PLXNC1: variants seen among roughly 807,000 people sequenced by gnomAD.
PLXNC1 encodes plexin-C1.
Under a neutral mutation model 178.2 loss-of-function variants are expected in PLXNC1, and 75 were observed. That is an observed-to-expected ratio of 0.42 (90% CI 0.35 to 0.51). The LOEUF (loss-of-function observed/expected upper bound fraction) is 0.51, where lower values mean the gene tolerates loss of function less well. Among genes scored for constraint, PLXNC1 ranks in the 20% least tolerant of loss-of-function variants. The pLI, the probability that PLXNC1 is intolerant of heterozygous loss-of-function variation, is 0.02. For missense variants in PLXNC1, 1,503 were observed against 1,984.4 expected, an observed-to-expected ratio of 0.76 and a Z score of 4.61; for synonymous variants, 790 against 779.9, an observed-to-expected ratio of 1.01 and a Z score of -0.22.
chr12:94,301,278 A>G (rs1968435701), intron 28 of PLXNC1, among the ~76,000 whole-genome samples: 1 of 152,230 alleles, frequency 6.6e-6, no homozygotes, highest in Non-Finnish European at 1.5e-5. Context: ...ACCCAACTGC[A>G]GAATTCTGCC....
intron 23 of PLXNC1, among the ~76,000 whole-genome samples, chr12:94,286,606 T>A (rs1592938209): frequency 7.9e-6 from 1 of 126,838 alleles, no homozygotes; most frequent in Non-Finnish European, 1.6e-5. Context: ...TCACTGTATG[T>A]GCTTAAAAGC....
chr12:94,165,509 G>T lies in PLXNC1; in HGVS notation c.1063-3644G>T, dbSNP rs58852951. Among the ~76,000 whole-genome samples, 265 of 152,268 alleles carry T rather than the reference G, an allele frequency of 1.7e-3. 1 individual carries two copies. Among genetic ancestry groups the T allele is most frequent in the Admixed American group, 0.015 (230 of 15,288 alleles). On this transcript the variant is annotated intron_variant, in intron 1 of 30. Coordinates refer to ENST00000258526, the MANE Select transcript of PLXNC1 (RefSeq NM_005761.3). ...GCTGCAAAATCCTGACTGTGGCCAG[G>T]GTCCTCCAGGCTGGTGAGAGGAACA...
chr12:94,221,315 C>A (rs10859687), intron 6 of PLXNC1, among the ~76,000 whole-genome samples: 75,274 of 151,982 alleles, frequency 0.5, 19,316 homozygotes, highest in East Asian at 0.61. Flanking sequence ...TGAGTTCCAA[C>A]AGATCACTTG....
intron 1 of PLXNC1, among the ~76,000 whole-genome samples, chr12:94,163,261 G>C (rs1201576583): frequency 1.3e-5 from 2 of 152,092 alleles, no homozygotes; most frequent in Admixed American, 6.5e-5. Flanking sequence ...CGGAGGCTGA[G>C]GCAGGAGAAT....
chr12:94,203,853 G>A (rs1199510558), intron 4 of PLXNC1, among the ~76,000 whole-genome samples: 1 of 152,228 alleles, frequency 6.6e-6, no homozygotes, highest in Non-Finnish European at 1.5e-5. Context: ...CAACTCTGTT[G>A]AAAGGTGGGA....
intron 5 of PLXNC1, 40 bp from the exon 6 acceptor site, chr12:94,219,976 G>A: frequency 6.2e-7 from 1 of 1,600,508 alleles, no homozygotes; most frequent in Non-Finnish European, 8.5e-7. Context: ...TGGAAATGAG[G>A]CAAAAATCAT....
chr12:94,198,592 A>C (rs1963007652), intron 4 of PLXNC1, among the ~76,000 whole-genome samples: 1 of 152,190 alleles, frequency 6.6e-6, no homozygotes, highest in Non-Finnish European at 1.5e-5. Flanking sequence ...AATTACTACC[A>C]ACACAAATTT....
intron 5 of PLXNC1, among the ~76,000 whole-genome samples, chr12:94,213,941 A>G (rs374096370): frequency 4.7e-5 from 7 of 149,820 alleles, no homozygotes; most frequent in African/African-American, 1.7e-4. Context: ...TTCTAGGCTC[A>G]CTGCAACCTC....
chr12:94,279,714 C>G, intron 22 of PLXNC1, 65 bp downstream of exon 22: 1 of 1,395,524 alleles, frequency 7.2e-7, no homozygotes, highest in South Asian at 1.2e-5. Context: ...CCTGCCCTCC[C>G]TCCCTGTCCC....
chr12:94,170,156 T>A (rs1485853170), intron 2 of PLXNC1, among the ~76,000 whole-genome samples: 6 of 152,172 alleles, frequency 3.9e-5, no homozygotes, highest in African/African-American at 1.4e-4. Context: ...TAATGGTAGA[T>A]CTGTTTCCCT....
At chr12:94,220,343 C>T (rs902227520) in intron 6 of PLXNC1, among the ~76,000 whole-genome samples, 180 bp downstream of exon 6, 2 of 152,188 alleles carry the variant, frequency 1.3e-5, no homozygotes, top group Non-Finnish European at 2.9e-5. Flanking sequence ...CATTCATTTA[C>T]TCCAAGACCC....
chr12:94,164,297 G>C (rs779381580), intron 1 of PLXNC1, among the ~76,000 whole-genome samples: 5 of 152,180 alleles, frequency 3.3e-5, no homozygotes, highest in Admixed American at 6.5e-5. Context: ...CTCCCACCTG[G>C]TAAGGTAAAA....
chr12:94,306,294 T>C lies in PLXNC1; in HGVS notation c.*1009T>C, dbSNP rs1346857044. On this transcript the variant is annotated 3_prime_UTR_variant, in exon 31 of 31. Transcript: ENST00000258526. ...CACACTGGAGTATTATATATAAATA[T>C]ATATATTTGAGGCCCAAGGCCTGAA... 1.3e-5 allele frequency: 2 copies of C among 152,096 alleles called. No individual in the cohort carries two copies. The highest frequency in any genetic ancestry group is 6.6e-5 in the Admixed American group (1 of 15,260). The allele number at this position is 152,096 out of a possible 1,614,324, so 9.4% of individuals were successfully genotyped here.
chr12:94,238,045 C>A (rs1964288008), intron 10 of PLXNC1, among the ~76,000 whole-genome samples: 1 of 152,170 alleles, frequency 6.6e-6, no homozygotes, highest in Admixed American at 6.5e-5. Context: ...AGTATATAGT[C>A]ATTTCAGGAT....
chr12:94,236,002 AAC>A (rs1964231488), intron 9 of PLXNC1, among the ~76,000 whole-genome samples: 1 of 152,176 alleles, frequency 6.6e-6, no homozygotes, highest in African/African-American at 2.4e-5. Flanking sequence ...TTTGCTATAT[AAC>A]ACACACTTGA....
chr12:94,241,044 G>C (rs972401006), intron 11 of PLXNC1, among the ~76,000 whole-genome samples: 1 of 151,996 alleles, frequency 6.6e-6, no homozygotes, highest in South Asian at 2.1e-4. Context: ...AATTCTTTGG[G>C]GGAAATATTG....
chr12:94,149,884 G>A lies in PLXNC1; in HGVS notation c.913G>A (p.Val305Ile), dbSNP rs980339841. The change falls in exon 1 of 31, where the codon GTC (valine) becomes ATC (isoleucine). Residue 305 changes from valine to isoleucine, a missense_variant. Transcript: ENST00000258526. The stretch of plus-strand genomic sequence containing the variant: ...CTCCAGCCTAGTGGAGGCCCTGGAC[G>A]TCTGGGCGGGAGTGTTCAGCGCGGC... Reference protein sequence around the residue: ...LSSSLVEALDVWAGVFSAAAG... With the variant: ...LSSSLVEALDIWAGVFSAAAG... The A allele has an allele frequency of 3.8e-6, 6 of 1,587,870 alleles. No homozygotes were observed. The Admixed American group carries it at 1.1e-4, about 28-fold the overall frequency.
chr12:94,304,264 G>C, intron 30 of PLXNC1: 1 of 427,576 alleles, frequency 2.3e-6, no homozygotes, highest in Non-Finnish European at 4.2e-6. Flanking sequence ...ATTTGGACCA[G>C]CCTGAATTTA....
intron 27 of PLXNC1, among the ~76,000 whole-genome samples, chr12:94,299,997 G>C (rs907898758): frequency 6.6e-6 from 1 of 152,190 alleles, no homozygotes; most frequent in African/African-American, 2.4e-5. Flanking sequence ...AGACCTAGCA[G>C]CATATGGGGG....
Sources: gnomAD v4.1 joint callset for allele counts (sites outside exome capture counted in the v4.1 genomes callset) on GRCh38, gnomAD v4.1.1 for gene constraint, MANE v1.5 for transcripts, NCBI Gene and HGNC (gene_info 2026-07-23, HGNC 2026-07-21) for gene names.